Variants in GNAS observed in about 807,000 individuals in gnomAD.
GNAS encodes GNAS complex locus.
A neutral mutation model predicts 54.5 loss-of-function variants in GNAS; 8 were observed. That is an observed-to-expected ratio of 0.15 (90% CI 0.09 to 0.26). The LOEUF (loss-of-function observed/expected upper bound fraction) is 0.26. Ranked by LOEUF, GNAS falls within the 10% of genes least tolerant of loss-of-function variation. The probability of loss-of-function intolerance (pLI) is 1.00; values close to 1 mark genes in which losing one functional copy is unlikely to be tolerated. For synonymous variants in GNAS, 204 were observed against 191.4 expected, an observed-to-expected ratio of 1.07 and a Z score of -0.54; for missense variants, 170 against 529.8, an observed-to-expected ratio of 0.32 and a Z score of 6.67.
intron 1 of GNAS, among the ~76,000 whole-genome samples, chr20:58,868,191 T>C (rs1232260112): frequency 1.3e-5 from 2 of 152,148 alleles, no homozygotes; most frequent in Non-Finnish European, 2.9e-5. Flanking sequence ...TAGCTAATTA[T>C]GTATTTTTAG....
Position 58,898,959 on chromosome 20 carries a change from G to T in GNAS, c.231G>T (p.Pro77=). Residue 77 remains proline (P), a synonymous_variant, in exon 3 of 13, where the codon CCG becomes CCT. Transcript: ENST00000371085. ...TTAAAAGGGGCGGCGAAGAGGACCC[G>T]CAGGCTGCAAGGAGCAACAGCGATG... The part of the protein sequence containing the change: ...GFNGEGGEED[P]QAARSNSDGE... 5 of 1,613,766 alleles carry T rather than the reference G, an allele frequency of 3.1e-6. No homozygotes were observed. Among genetic ancestry groups the T allele is most frequent in the Non-Finnish European group, 3.4e-6 (4 of 1,179,704 alleles).
intron 1 of GNAS, among the ~76,000 whole-genome samples, chr20:58,892,831 C>G (rs917724192): frequency 6.6e-6 from 1 of 151,812 alleles, no homozygotes; most frequent in African/African-American, 2.4e-5. Flanking sequence ...GACTTGCAGG[C>G]TTTTTCAAAA....
intron 1 of GNAS, among the ~76,000 whole-genome samples, chr20:58,893,369 CATTA>C (rs2089713039): frequency 6.6e-6 from 1 of 152,010 alleles, no homozygotes. Flanking sequence ...AATTACACAG[CATTA>C]ATTAAAAATG....
chr20:58,873,820 G>C lies in GNAS; in HGVS notation c.44-21792G>C, dbSNP rs757621737. On this transcript the variant is annotated intron_variant, in intron 1 of 12. Transcript: ENST00000306090. This position sits in a 1 kb window ranked among gnomAD's most constrained non-coding sequence, Gnocchi z 4.3. ...GATGGAATCAAAACAAACCCAGGAA[G>C]TTAACAAGAGTGGGCAGTCTCTGCT... Among the ~76,000 whole-genome samples, 1 of 152,206 alleles carries C rather than the reference G, an allele frequency of 6.6e-6. No individual in the cohort carries two copies. The highest frequency in any genetic ancestry group is 2.4e-5 in the African/African-American group (1 of 41,450).
At chr20:58,895,730 A>T in intron 2 of GNAS, 46 bp downstream of exon 2, 1 of 1,068,420 alleles carries the variant, frequency 9.4e-7, no homozygotes, top group South Asian at 1.2e-5. Context: ...AGAGGAACAG[A>T]CTTTATACTA....
At chr20:58,878,022 G>A (rs2087945685) in intron 1 of GNAS, among the ~76,000 whole-genome samples, 1 of 152,198 alleles carries the variant, frequency 6.6e-6, no homozygotes, top group South Asian at 2.1e-4. Flanking sequence ...AACAAAGAAG[G>A]TGCATTATTT....
At chr20:58,870,455 C>T (rs553122737) in intron 1 of GNAS, among the ~76,000 whole-genome samples, 12 of 152,220 alleles carry the variant, frequency 7.9e-5, no homozygotes, top group Non-Finnish European at 1.8e-4. Flanking sequence ...GGGAGCTCCT[C>T]CCCACCAGAG....
chr20:58,896,152 A>G (rs932166986), intron 2 of GNAS, among the ~76,000 whole-genome samples: 2 of 152,212 alleles, frequency 1.3e-5, no homozygotes, highest in Admixed American at 6.5e-5. Context: ...GTTTTAAACT[A>G]TTAGGGAAAC....
At chr20:58,872,117 G>A (rs1042096743) in intron 1 of GNAS, among the ~76,000 whole-genome samples, 1 of 152,166 alleles carries the variant, frequency 6.6e-6, no homozygotes, top group Non-Finnish European at 1.5e-5. Flanking sequence ...CAAGACGGGG[G>A]CCACCACCAC....
At position 58,863,491 on chromosome 20, in the gene GNAS, T is replaced by A. The variant is rs1004693034; in HGVS notation, c.43+22605T>A. 2.0e-5 allele frequency: 3 copies of A among 152,212 alleles called. No individual in the cohort carries two copies. The highest frequency in any genetic ancestry group is 7.2e-5 in the African/African-American group (3 of 41,452). 9.4% of individuals were successfully genotyped at this position (152,212 alleles called of 1,614,324 possible). A position where few individuals can be genotyped will look rare whatever the true frequency, so the allele number is the denominator to read the frequency against. On this transcript the variant is annotated intron_variant, in intron 1 of 12. Coordinates refer to the GNAS transcript ENST00000306090. This position sits in a 1 kb window ranked among gnomAD's most constrained non-coding sequence, Gnocchi z 4.1. ...TTGTTATCCAATCTCAAATTTATTA[T>A]GAGTCAGTCAATGTTTCCGACATTG...
At chr20:58,899,438 C>T (rs759983886) in intron 3 of GNAS, 19 of 535,884 alleles carry the variant, frequency 3.5e-5, no homozygotes, top group Admixed American at 9.7e-5. Flanking sequence ...AATGCTGCAC[C>T]GTCTTTAATT....
chr20:58,904,389 CA>C (rs1469222615), intron 5 of GNAS, among the ~76,000 whole-genome samples: 1 of 152,138 alleles, frequency 6.6e-6, no homozygotes, highest in African/African-American at 2.4e-5. Context: ...AATCATAACT[CA>C]AAAATCATAA....
intron 1 of GNAS, among the ~76,000 whole-genome samples, chr20:58,886,148 A>G (rs191903843): frequency 6.6e-6 from 1 of 152,352 alleles, no homozygotes; most frequent in East Asian, 1.9e-4. Context: ...GCCAAGGAAC[A>G]CAAACTGCCT....
At chr20:58,893,071 T>A (rs980993331) in intron 1 of GNAS, among the ~76,000 whole-genome samples, 2 of 61,490 alleles carry the variant, frequency 3.3e-5, no homozygotes, top group African/African-American at 7.5e-5. Context: ...GGTTTCTTTT[T>A]TTTTTTTTTT....
chr20:58,892,139 C>T (rs745946931), intron 1 of GNAS: 4 of 952,256 alleles, frequency 4.2e-6, no homozygotes, highest in Admixed American at 6.2e-5. Context: ...CTCTTGCTCT[C>T]GCTCTCGCTC....
chr20:58,862,614 A>G (rs904014753), intron 1 of GNAS, among the ~76,000 whole-genome samples: 5 of 149,778 alleles, frequency 3.3e-5, no homozygotes, highest in African/African-American at 1.2e-4. Context: ...TCATTAGACT[A>G]TTAACATGTA....
rs2090593197 is a variant in GNAS, at chr20:58,901,471, C to T, written c.258-2060C>T. On this transcript the variant is annotated intron_variant, in intron 3 of 12. Transcript: ENST00000371085. ...CACAAGGCCTGAAGCTCGCTCACCT[C>T]CCTGTCATCTGTGTTTCTGAGATTC... is the stretch of plus-strand genomic sequence containing the variant. 2.0e-5 allele frequency among the ~76,000 whole-genome samples: 3 copies of T among 152,292 alleles called. No individual in the cohort carries two copies. In the South Asian group the frequency reaches 6.2e-4, roughly 32 times the overall value.
At chr20:58,882,546 G>A (rs1468842734) in intron 1 of GNAS, among the ~76,000 whole-genome samples, 2 of 152,198 alleles carry the variant, frequency 1.3e-5, no homozygotes, top group Non-Finnish European at 2.9e-5. Flanking sequence ...GGCAAACAAC[G>A]AGTACACCTG....
intron 3 of GNAS, among the ~76,000 whole-genome samples, chr20:58,901,096 A>G (rs1439941862): frequency 6.6e-6 from 1 of 152,140 alleles, no homozygotes; most frequent in Non-Finnish European, 1.5e-5. Context: ...AATGTATTTA[A>G]TTTTACTATT....
Sources: allele counts gnomAD v4.1 joint callset (sites outside exome capture counted in the v4.1 genomes callset), GRCh38; gene constraint gnomAD v4.1.1; non-coding constraint Gnocchi (gnomAD v3.1); transcripts MANE v1.5; gene names NCBI Gene and HGNC (gene_info 2026-07-23, HGNC 2026-07-21).